MAPT: variants seen among roughly 807,000 people sequenced by gnomAD.
The protein encoded by MAPT is microtubule-associated protein tau.
MAPT carries 34 observed loss-of-function variants against 67.9 expected under a neutral mutation model. The observed-to-expected ratio is 0.50, with a 90% CI of 0.38 to 0.67. The LOEUF (loss-of-function observed/expected upper bound fraction) is 0.67. Among genes scored for constraint, MAPT ranks in the 30% least tolerant of loss-of-function variants. The probability of loss-of-function intolerance (pLI) is 0.00; values close to 1 mark genes in which losing one functional copy is unlikely to be tolerated. For synonymous variants in MAPT, 456 were observed against 464.5 expected, an observed-to-expected ratio of 0.98 and a Z score of 0.23; for missense variants, 881 against 1,115.2, an observed-to-expected ratio of 0.79 and a Z score of 2.99.
At chr17:45,946,615 A>AT (rs1555692455) in intron 1 of MAPT, among the ~76,000 whole-genome samples, 45 of 100,404 alleles carry the variant, frequency 4.5e-4, no homozygotes, top group African/African-American at 1.9e-3. Context: ...AAAAAAAAAA[A>AT]ATATATATAT....
chr17:45,964,432 C>A (rs1392870603), intron 2 of MAPT, among the ~76,000 whole-genome samples: 3 of 148,820 alleles, frequency 2.0e-5, no homozygotes, highest in Non-Finnish European at 4.4e-5. Context: ...GTAATCCCAG[C>A]ACTTTGGGAG....
At chr17:45,914,169 AT>A (rs1477847338) in intron 1 of MAPT, among the ~76,000 whole-genome samples, 10 of 114,246 alleles carry the variant, frequency 8.8e-5, no homozygotes, top group Non-Finnish European at 1.9e-4. Flanking sequence ...AAGACTGCTG[AT>A]AAAACCACAG....
At chr17:46,012,336 C>T (rs2075872134) in intron 10 of MAPT, among the ~76,000 whole-genome samples, 1 of 152,098 alleles carries the variant, frequency 6.6e-6, no homozygotes, top group Non-Finnish European at 1.5e-5. Flanking sequence ...CATCTGCGGG[C>T]TAGCCTGTGA....
At chr17:45,997,180 G>A (rs576956164) in intron 9 of MAPT, among the ~76,000 whole-genome samples, 3 of 152,270 alleles carry the variant, frequency 2.0e-5, no homozygotes, top group East Asian at 1.9e-4. Flanking sequence ...GGGTGCTCGC[G>A]AGCTCTCCAG....
intron 2 of MAPT, among the ~76,000 whole-genome samples, chr17:45,963,852 C>T (rs1252971571): frequency 3.3e-5 from 5 of 151,922 alleles, no homozygotes; most frequent in East Asian, 3.9e-4. Flanking sequence ...TTGGGAGGCA[C>T]GTTTCAGATT....
rs2063576745 is a variant in MAPT, at chr17:45,900,988, C to G, written c.-18+6302C>G. ...TGATTGGCTGAATGACCAGAGGGGT[C>G]TAAAGATCCTGGTGATGGAATCAGT... is the stretch of plus-strand genomic sequence containing the variant. On this transcript the variant is annotated intron_variant, in intron 1 of 12. Coordinates refer to ENST00000262410, the MANE Select transcript of MAPT (RefSeq NM_001377265.1). Among the ~76,000 whole-genome samples the G allele has an allele frequency of 1.3e-5, 2 of 152,126 alleles. 1 individual carries two copies. Among genetic ancestry groups the G allele is most frequent in the South Asian group, 4.1e-4 (2 of 4,824 alleles).
At chr17:45,935,119 G>C (rs2067206207) in intron 1 of MAPT, among the ~76,000 whole-genome samples, 1 of 152,112 alleles carries the variant, frequency 6.6e-6, no homozygotes, top group Admixed American at 6.5e-5. Flanking sequence ...AATCGACCAT[G>C]GTAGGGCCTG....
intron 9 of MAPT, among the ~76,000 whole-genome samples, chr17:45,998,135 G>A (rs1193553059): frequency 1.3e-5 from 2 of 152,186 alleles, no homozygotes; most frequent in Middle Eastern, 3.4e-3. Context: ...CCACGCAGGC[G>A]CTCTCCACAC....
At chr17:45,998,247 C>T (rs73317014) in intron 9 of MAPT, among the ~76,000 whole-genome samples, 1 of 152,190 alleles carries the variant, frequency 6.6e-6, no homozygotes, top group East Asian at 1.9e-4. Context: ...CACCTCCCCC[C>T]ACCCAGGATC....
At chr17:45,943,882 G>A (rs1189246658) in intron 1 of MAPT, among the ~76,000 whole-genome samples, 1 of 152,192 alleles carries the variant, frequency 6.6e-6, no homozygotes, top group Non-Finnish European at 1.5e-5. Context: ...CTTCCCGGAA[G>A]TTGCCCCTTG....
chr17:46,005,789 C>T (rs2075371956), intron 9 of MAPT, among the ~76,000 whole-genome samples: 1 of 152,164 alleles, frequency 6.6e-6, no homozygotes, highest in Non-Finnish European at 1.5e-5. Context: ...TCCTTGCTGG[C>T]AGGAGAGAAT....
intron 12 of MAPT, among the ~76,000 whole-genome samples, 193 bp from the exon 13 acceptor site, chr17:46,023,763 C>T (rs2076673835): frequency 6.6e-6 from 1 of 152,178 alleles, no homozygotes; most frequent in African/African-American, 2.4e-5. Flanking sequence ...ATCACCTGAG[C>T]CTGGGAGGTC....
At chr17:45,943,551 C>T (rs2068185892) in intron 1 of MAPT, among the ~76,000 whole-genome samples, 1 of 152,188 alleles carries the variant, frequency 6.6e-6, no homozygotes, top group South Asian at 2.1e-4. Flanking sequence ...AAAACTATCA[C>T]CTTTTCTTCC....
Position 45,982,945 on chromosome 17 carries a change from T to C in MAPT, c.366T>C (p.Pro122=). 3.5e-6 allele frequency: 5 copies of C among 1,422,708 alleles called. No homozygotes were observed. The highest frequency in any genetic ancestry group is 1.6e-5 in the South Asian group (1 of 63,856). The allele number at this position is 1,422,708 out of a possible 1,614,324, so 88.1% of individuals were successfully genotyped here. A position where few individuals can be genotyped will look rare whatever the true frequency, so the allele number is the denominator to read the frequency against. Residue 122 remains proline (P), a synonymous_variant, in exon 5 of 13, where the codon CCT becomes CCC. Transcript: ENST00000262410. ...LANEISAHVQ[P]GPCGEASGVS... is the part of the protein sequence containing the mutation. ...ATGAGATTAGCGCCCACGTCCAGCC[T>C]GGACCCTGCGGAGAGGCCTCTGGGG... is the stretch of plus-strand genomic sequence containing the variant.
chr17:45,926,973 ATGTG>A (rs1431002888), intron 1 of MAPT, among the ~76,000 whole-genome samples: 4 of 151,116 alleles, frequency 2.6e-5, no homozygotes, highest in African/African-American at 4.9e-5. Context: ...ATATACATAT[ATGTG>A]TATATATATA....
chr17:46,003,856 G>A (rs1174477348), intron 9 of MAPT, among the ~76,000 whole-genome samples: 1 of 151,400 alleles, frequency 6.6e-6, no homozygotes, highest in Non-Finnish European at 1.5e-5. Context: ...AAAAATCTGT[G>A]TGAATCAAAT....
intron 1 of MAPT, among the ~76,000 whole-genome samples, chr17:45,945,431 A>G (rs1055812304): frequency 6.6e-6 from 1 of 152,182 alleles, no homozygotes; most frequent in Non-Finnish European, 1.5e-5. Context: ...TGGTTTGTGG[A>G]CCATTTGCTG....
intron 1 of MAPT, among the ~76,000 whole-genome samples, chr17:45,923,781 C>T (rs565488772): frequency 1.2e-4 from 18 of 152,312 alleles, no homozygotes; most frequent in African/African-American, 3.1e-4. Flanking sequence ...AGTGAAGTTT[C>T]GTGCACACAC....
At chr17:45,926,928 C>CATATATGTAT (rs904094449) in intron 1 of MAPT, among the ~76,000 whole-genome samples, 3 of 149,640 alleles carry the variant, frequency 2.0e-5, no homozygotes, top group African/African-American at 7.4e-5. Flanking sequence ...TATATATACA[C>CATATATGTAT]ATATATACAC....
Sources: allele counts gnomAD v4.1 joint callset (sites outside exome capture counted in the v4.1 genomes callset), GRCh38; gene constraint gnomAD v4.1.1; transcripts MANE v1.5; gene names NCBI Gene and HGNC (gene_info 2026-07-23, HGNC 2026-07-21).